Variants in PPP1R12B observed in about 807,000 individuals in gnomAD.
PPP1R12B encodes myosin phosphatase target subunit 2.
PPP1R12B carries 76 observed loss-of-function variants against 126.1 expected under a neutral mutation model. That is an observed-to-expected ratio of 0.60 (90% CI 0.50 to 0.73). PPP1R12B has a LOEUF of 0.73. Among genes scored for constraint, PPP1R12B ranks in the 30% least tolerant of loss-of-function variants. The pLI is 0.00. For synonymous variants in PPP1R12B, 356 were observed against 434.7 expected, an observed-to-expected ratio of 0.82 and a Z score of 2.25; for missense variants, 1,052 against 1,205.1, an observed-to-expected ratio of 0.87 and a Z score of 1.88.
intron 18 of PPP1R12B, chr1:202,540,038 C>A: frequency 7.1e-7 from 1 of 1,403,996 alleles, no homozygotes; most frequent in Non-Finnish European, 9.4e-7. Context: ...CATCTTGCAT[C>A]AACTCAAAAG....
intron 18 of PPP1R12B, among the ~76,000 whole-genome samples, chr1:202,552,599 A>G (rs1252132225): frequency 2.6e-5 from 4 of 152,268 alleles, no homozygotes; most frequent in African/African-American, 9.6e-5. Context: ...CTGAAGGGAA[A>G]GAAGATGGTT....
intron 9 of PPP1R12B, among the ~76,000 whole-genome samples, chr1:202,435,097 TA>T (rs1489339220): frequency 1.3e-5 from 2 of 152,222 alleles, no homozygotes; most frequent in South Asian, 4.2e-4. Context: ...TCTCTTCTTA[TA>T]AGGTAACCAG....
At chr1:202,476,682 C>T (rs1392068193) in intron 13 of PPP1R12B, among the ~76,000 whole-genome samples, 1 of 122,432 alleles carries the variant, frequency 8.2e-6, no homozygotes, top group African/African-American at 3.1e-5. Context: ...GACTCTGTCT[C>T]AAAAAAAAAA....
At position 202,583,760 on chromosome 1, in the gene PPP1R12B, G is replaced by T. The variant is rs1190652444; in HGVS notation, c.*3200G>T. The T allele has an allele frequency of 6.6e-6, 1 of 152,146 alleles. No individual in the cohort carries two copies. The highest frequency in any genetic ancestry group is 1.5e-5 in the Non-Finnish European group (1 of 68,038). 9.4% of individuals were successfully genotyped at this position (152,146 alleles called of 1,614,324 possible). ...TCCTCAGTCCTCACCTGCTGGTTTG[G>T]AGACTCATGAGCACCCCAGGCAGCT... is the stretch of plus-strand genomic sequence containing the variant. On this transcript the variant is annotated 3_prime_UTR_variant, in exon 24 of 24. Coordinates refer to ENST00000608999, the MANE Select transcript of PPP1R12B (RefSeq NM_002481.4).
chr1:202,478,166 C>A (rs1417479), intron 13 of PPP1R12B, among the ~76,000 whole-genome samples: 65,783 of 152,088 alleles, frequency 0.43, 15,547 homozygotes, highest in East Asian at 0.71. Context: ...CAATATTTTT[C>A]TATAAAGGTT....
chr1:202,430,690 GTCAACTTCTTCCCTTT>G, intron 6 of PPP1R12B, 25 bp from the exon 7 acceptor site: 1 of 1,604,744 alleles, frequency 6.2e-7, no homozygotes, highest in South Asian at 1.1e-5. Flanking sequence ...TTCACCAATA[GTCAACTTCTTCCCTTT>G]TCTCTCTGTT....
intron 13 of PPP1R12B, among the ~76,000 whole-genome samples, chr1:202,479,549 T>A (rs569339636): frequency 1.3e-5 from 2 of 152,288 alleles, no homozygotes; most frequent in East Asian, 3.9e-4. Flanking sequence ...CAGGGAATGA[T>A]TGGAGTTCAG....
intron 18 of PPP1R12B, among the ~76,000 whole-genome samples, chr1:202,552,243 C>T (rs2148988239): frequency 6.6e-6 from 1 of 152,276 alleles, no homozygotes; most frequent in African/African-American, 2.4e-5. Flanking sequence ...ACATTTATTT[C>T]CAGATTATGC....
chr1:202,380,338 G>C (rs1662035724), intron 1 of PPP1R12B, among the ~76,000 whole-genome samples: 1 of 152,158 alleles, frequency 6.6e-6, no homozygotes, highest in Non-Finnish European at 1.5e-5. Flanking sequence ...GTGGCAGGCA[G>C]AAGACTCAGG....
chr1:202,527,847 A>G (rs1683511591), intron 18 of PPP1R12B, among the ~76,000 whole-genome samples: 2 of 152,214 alleles, frequency 1.3e-5, no homozygotes, highest in Non-Finnish European at 2.9e-5. Context: ...TTTTGCCTCC[A>G]ACTTGTTTAG....
chr1:202,514,836 T>C (rs1280624304), intron 18 of PPP1R12B, among the ~76,000 whole-genome samples: 1 of 152,192 alleles, frequency 6.6e-6, no homozygotes, highest in Non-Finnish European at 1.5e-5. Context: ...TAAAGACACA[T>C]GCATGCGAAT....
chr1:202,404,444 G>A (rs1285087232), intron 1 of PPP1R12B, among the ~76,000 whole-genome samples: 1 of 151,732 alleles, frequency 6.6e-6, no homozygotes, highest in Non-Finnish European at 1.5e-5. Context: ...TGCTGTTTCA[G>A]TGTTCTCTTT....
intron 18 of PPP1R12B, among the ~76,000 whole-genome samples, chr1:202,525,041 G>A (rs921521033): frequency 4.6e-5 from 7 of 152,052 alleles, no homozygotes; most frequent in Non-Finnish European, 8.8e-5. Context: ...ACCACACCCG[G>A]CTAATTTTTG....
chr1:202,567,413 T>C (rs1245815418), intron 21 of PPP1R12B: 1 of 183,102 alleles, frequency 5.5e-6, no homozygotes, highest in African/African-American at 2.4e-5. Flanking sequence ...CTCTGGGTTG[T>C]GATATTACTC....
intron 18 of PPP1R12B, among the ~76,000 whole-genome samples, chr1:202,549,559 A>G (rs1350905298): frequency 6.6e-6 from 1 of 151,558 alleles, no homozygotes; most frequent in African/African-American, 2.4e-5. Flanking sequence ...AGCTGGGACT[A>G]CAGGTGCCCG....
chr1:202,455,213 G>T (rs201716606), intron 13 of PPP1R12B, among the ~76,000 whole-genome samples: 25,451 of 151,924 alleles, frequency 0.17, 2,536 homozygotes, highest in Admixed American at 0.28. Context: ...TATAGAGAGA[G>T]AGAGAGAGAA....
intron 9 of PPP1R12B, among the ~76,000 whole-genome samples, chr1:202,435,714 C>G (rs566494949): frequency 6.0e-4 from 92 of 152,228 alleles, no homozygotes; most frequent in African/African-American, 2.0e-3. Flanking sequence ...TGAAAAAGCT[C>G]TGTGGTTATA....
At chr1:202,463,317 T>C (rs768971159) in intron 13 of PPP1R12B, among the ~76,000 whole-genome samples, 1 of 152,120 alleles carries the variant, frequency 6.6e-6, no homozygotes, top group African/African-American at 2.4e-5. Context: ...CCCAAAAGAT[T>C]AGGGTAGCAG....
At chr1:202,395,627 A>T (rs573040559) in intron 1 of PPP1R12B, among the ~76,000 whole-genome samples, 38 of 152,364 alleles carry the variant, frequency 2.5e-4, no homozygotes, top group African/African-American at 8.7e-4. Flanking sequence ...CTTTTTGGCC[A>T]TAATGTGGAA....
Sources: allele counts gnomAD v4.1 joint callset (sites outside exome capture counted in the v4.1 genomes callset), GRCh38; gene constraint gnomAD v4.1.1; transcripts MANE v1.5; gene names NCBI Gene and HGNC (gene_info 2026-07-23, HGNC 2026-07-21).